Variants in SNX18 observed in about 807,000 individuals in gnomAD.
The protein encoded by SNX18 is sorting nexin 18.
Under a neutral mutation model 48.7 loss-of-function variants are expected in SNX18, and 35 were observed. The ratio of observed to expected loss-of-function variants is 0.72; its 90% CI spans 0.55 to 0.95. The LOEUF is 0.95. Ranked by LOEUF, SNX18 falls within the 40% of genes least tolerant of loss-of-function variation. The pLI, the probability that SNX18 is intolerant of heterozygous loss-of-function variation, is 0.00. For missense variants in SNX18, 824 were observed against 871.0 expected (o/e 0.95, Z 0.68); for synonymous variants, 492 against 384.7 (o/e 1.28, Z -3.26).
chr5:54,568,684 A>T, the SNX18 span, among the ~76,000 whole-genome samples: 19 of 152,272 alleles, frequency 1.2e-4, no homozygotes, highest in African/African-American at 4.6e-4. Context: ...TCTGAGCCCT[A>T]GTGGGCTTAT....
At chr5:54,527,960 A>G (rs1340698318) in intron 1 of SNX18, among the ~76,000 whole-genome samples, 1 of 152,168 alleles carries the variant, frequency 6.6e-6, no homozygotes, top group Non-Finnish European at 1.5e-5. Flanking sequence ...AGTCATTAAC[A>G]TGTGAGTGAT....
At chr5:54,626,591 G>A in the SNX18 span, among the ~76,000 whole-genome samples, 1 of 152,240 alleles carries the variant, frequency 6.6e-6, no homozygotes, top group Non-Finnish European at 1.5e-5. Flanking sequence ...AATTTTACCA[G>A]AAATTAGTGT....
At chr5:54,610,126 G>A in the SNX18 span, among the ~76,000 whole-genome samples, 4 of 152,082 alleles carry the variant, frequency 2.6e-5, no homozygotes, top group African/African-American at 7.2e-5. Flanking sequence ...CTGCAGAACC[G>A]TGAGCAAATG....
the SNX18 span, among the ~76,000 whole-genome samples, chr5:54,588,710 G>A: frequency 6.6e-6 from 1 of 152,048 alleles, no homozygotes; most frequent in African/African-American, 2.4e-5. Flanking sequence ...CTCAAACCTT[G>A]GGATCACATT....
rs1027570837 is a variant in SNX18, at chr5:54,544,643, C to CG, written c.*1211_*1212insG. ...AAAAAAGGTATTGATGAGCCCCCCC[C>CG]CCCCAGGACATTTAACCTTAAAATT... On this transcript the variant is annotated 3_prime_UTR_variant, in exon 2 of 2. Coordinates refer to ENST00000381410, the MANE Select transcript of SNX18 (RefSeq NM_001102575.2). The CG allele has an allele frequency of 1.5e-5, 2 of 137,216 alleles. No homozygotes were observed. The highest frequency in any genetic ancestry group is 7.4e-5 in the Admixed American group (1 of 13,568). 8.5% of individuals were successfully genotyped at this position (137,216 alleles called of 1,614,324 possible).
chr5:54,518,949 C>T lies in SNX18; in HGVS notation c.997C>T (p.Pro333Ser), dbSNP rs780781962. The part of the protein sequence containing the change: ...LAEKFPVISV[P>S]HLPEKQATGR... ...GGAGAAGTTCCCGGTCATCTCCGTG[C>T]CCCACCTGCCCGAGAAGCAGGCCAC... The change falls in exon 1 of 2, where the codon CCC becomes TCC. Residue 333 changes from proline to serine, a missense_variant. Physicochemically the swap from Pro to Ser is moderately conservative, Grantham distance 74. Coordinates refer to ENST00000381410, the MANE Select transcript of SNX18 (RefSeq NM_001102575.2). 2 of 1,613,788 alleles carry T rather than the reference C, an allele frequency of 1.2e-6. No individual in the cohort carries two copies. Among genetic ancestry groups the T allele is most frequent in the Non-Finnish European group, 1.7e-6 (2 of 1,180,028 alleles).
the SNX18 span, among the ~76,000 whole-genome samples, chr5:54,560,673 T>C: frequency 1.3e-5 from 2 of 152,198 alleles, no homozygotes; most frequent in Non-Finnish European, 1.5e-5. Context: ...GTGGCTATCA[T>C]TATAAACTAA....
At chr5:54,552,855 G>A in the SNX18 span, among the ~76,000 whole-genome samples, 40,145 of 151,940 alleles carry the variant, frequency 0.26, 5,736 homozygotes, top group East Asian at 0.52. Flanking sequence ...AAACTAAGCG[G>A]GGAGGAGGGA....
the SNX18 span, among the ~76,000 whole-genome samples, chr5:54,647,224 G>A: frequency 2.6e-5 from 4 of 152,262 alleles, no homozygotes; most frequent in South Asian, 2.1e-4. Flanking sequence ...AATACATGCC[G>A]AGTACTATGC....
the SNX18 span, among the ~76,000 whole-genome samples, chr5:54,617,619 A>G: frequency 3.3e-5 from 5 of 152,220 alleles, no homozygotes; most frequent in Admixed American, 6.5e-5. Context: ...CACAAGTTGT[A>G]GATTAGGAGA....
chr5:54,552,654 C>T, the SNX18 span, among the ~76,000 whole-genome samples: 7 of 151,668 alleles, frequency 4.6e-5, no homozygotes, highest in Admixed American at 1.3e-4. Flanking sequence ...ACGCTGGGAC[C>T]GATAGAGTCC....
the SNX18 span, among the ~76,000 whole-genome samples, chr5:54,609,144 AC>A: frequency 6.6e-6 from 1 of 152,224 alleles, no homozygotes; most frequent in Non-Finnish European, 1.5e-5. Context: ...ATGTTCCATA[AC>A]TACTCTGTCC....
the SNX18 span, among the ~76,000 whole-genome samples, chr5:54,560,778 G>A: frequency 6.6e-6 from 1 of 152,136 alleles, no homozygotes; most frequent in African/African-American, 2.4e-5. Flanking sequence ...GCAGAATCCA[G>A]CACGGCCAAG....
the SNX18 span, among the ~76,000 whole-genome samples, chr5:54,619,550 C>T: frequency 3.9e-5 from 6 of 152,144 alleles, no homozygotes; most frequent in East Asian, 1.9e-4. Context: ...TCTCATTTGA[C>T]GTGTACTTTA....
the SNX18 span, among the ~76,000 whole-genome samples, chr5:54,585,300 A>G: frequency 6.6e-6 from 1 of 151,374 alleles, no homozygotes; most frequent in African/African-American, 2.4e-5. Context: ...CCAAAAAGAA[A>G]AAAAAAAAAA....
the SNX18 span, among the ~76,000 whole-genome samples, chr5:54,646,935 G>T: frequency 6.6e-6 from 1 of 152,146 alleles, no homozygotes; most frequent in Non-Finnish European, 1.5e-5. Flanking sequence ...CAAGAGAGCT[G>T]GGACTGGCGG....
At chr5:54,625,401 C>T in the SNX18 span, among the ~76,000 whole-genome samples, 2 of 152,208 alleles carry the variant, frequency 1.3e-5, no homozygotes, top group South Asian at 4.1e-4. Context: ...TAAGCTCGCT[C>T]GTATGGCTGT....
At chr5:54,531,839 T>C (rs1049821067) in intron 1 of SNX18, among the ~76,000 whole-genome samples, 5 of 152,228 alleles carry the variant, frequency 3.3e-5, no homozygotes, top group African/African-American at 1.2e-4. Context: ...CGAAGAGTGC[T>C]TGTGCTGCTC....
chr5:54,572,767 T>G, the SNX18 span, among the ~76,000 whole-genome samples: 2 of 109,176 alleles, frequency 1.8e-5, no homozygotes, highest in Non-Finnish European at 3.6e-5. Context: ...TATATATATA[T>G]ATATATATTT....
Sources: gnomAD v4.1 joint callset for allele counts (sites outside exome capture counted in the v4.1 genomes callset) on GRCh38, gnomAD v4.1.1 for gene constraint, MANE v1.5 for transcripts, NCBI Gene and HGNC (gene_info 2026-07-23, HGNC 2026-07-21) for gene names.